The following ADGRV1 variants were observed in gnomAD, a reference collection of about 807,000 sequenced individuals.
The protein encoded by ADGRV1 is adhesion G protein-coupled receptor V1.
ADGRV1 carries 359 observed loss-of-function variants against 596.2 expected under a neutral mutation model. That is an observed-to-expected ratio of 0.60 (90% CI 0.55 to 0.66). The LOEUF (loss-of-function observed/expected upper bound fraction) is 0.66, where lower values mean the gene tolerates loss of function less well. ADGRV1 is among the 30% of genes least tolerant of loss of function. ADGRV1 has a pLI of 0.00. For missense variants in ADGRV1, 7,274 were observed against 7,575.6 expected, an observed-to-expected ratio of 0.96 and a Z score of 1.48; for synonymous variants, 2,681 against 2,679.2, an observed-to-expected ratio of 1.00 and a Z score of -0.02.
intron 83 of ADGRV1, among the ~76,000 whole-genome samples, chr5:90,954,387 G>C (rs567787268): frequency 3.6e-4 from 55 of 152,150 alleles, no homozygotes; most frequent in African/African-American, 1.3e-3. Context: ...GATATGAAAA[G>C]ACAGAACTGG....
chr5:90,609,015 A>G (rs1762430139), intron 1 of ADGRV1, among the ~76,000 whole-genome samples: 1 of 152,202 alleles, frequency 6.6e-6, no homozygotes, highest in Non-Finnish European at 1.5e-5. Context: ...GACAATAAAC[A>G]TATTCCCAAC....
rs1471607090 is a variant in ADGRV1 at position 90,755,151 on chromosome 5, TAAAA to T, written c.11547_11550del (p.Ile3849MetfsTer28). The T allele has an allele frequency of 1.2e-6, 2 of 1,607,640 alleles. No homozygotes were observed. The highest frequency in any genetic ancestry group is 8.5e-7 in the Non-Finnish European group (1 of 1,178,638). On this transcript the variant is annotated frameshift_variant, in exon 55 of 90. Coordinates refer to ENST00000405460, the MANE Select transcript of ADGRV1 (RefSeq NM_032119.4). LOFTEE classifies it high-confidence loss of function. ...ACAATAATAATAATGAAAGAAAACATAAAAGAAGCTCATGCCGAAGTTTCCATTT... is the reference window on the plus strand; with the variant it reads ...ACAATAATAATAATGAAAGAAAACATGAAGCTCATGCCGAAGTTTCCATTT...
At chr5:90,642,295 T>A (rs1474054396) in intron 11 of ADGRV1, among the ~76,000 whole-genome samples, 2 of 152,198 alleles carry the variant, frequency 1.3e-5, no homozygotes, top group African/African-American at 2.4e-5. Flanking sequence ...TAAATTTTTC[T>A]AAAACTGGAA....
intron 1 of ADGRV1, among the ~76,000 whole-genome samples, chr5:90,600,016 T>C (rs1360810579): frequency 2.0e-5 from 3 of 152,154 alleles, no homozygotes; most frequent in Non-Finnish European, 2.9e-5. Context: ...AATATCTTGT[T>C]TTAGTTTGGT....
chr5:90,663,057 T>A (rs1387166753), intron 21 of ADGRV1, among the ~76,000 whole-genome samples: 1 of 149,722 alleles, frequency 6.7e-6, no homozygotes, highest in Non-Finnish European at 1.5e-5. Flanking sequence ...TTGTGAATAA[T>A]GCCGCAATAA....
At chr5:90,890,715 C>T (rs1403127654) in intron 83 of ADGRV1, among the ~76,000 whole-genome samples, 2 of 152,116 alleles carry the variant, frequency 1.3e-5, no homozygotes, top group Non-Finnish European at 2.9e-5. Flanking sequence ...TTCTGGGCCA[C>T]AGCATAAGGA....
At chr5:90,914,488 C>A (rs941430112) in intron 83 of ADGRV1, among the ~76,000 whole-genome samples, 5 of 152,124 alleles carry the variant, frequency 3.3e-5, no homozygotes, top group African/African-American at 1.2e-4. Flanking sequence ...TAAGATCACA[C>A]AACTATTAAG....
intron 89 of ADGRV1, among the ~76,000 whole-genome samples, chr5:91,163,552 C>T (rs1020261215): frequency 3.2e-4 from 48 of 152,124 alleles, no homozygotes; most frequent in Non-Finnish European, 3.5e-4. Context: ...AGATTGAGAA[C>T]CCAAATGTGT....
intron 82 of ADGRV1, among the ~76,000 whole-genome samples, chr5:90,860,140 T>C (rs1429456904): frequency 1.3e-5 from 2 of 151,912 alleles, no homozygotes; most frequent in African/African-American, 4.8e-5. Context: ...AATACCCACA[T>C]GTGACTAGTG....
chr5:90,927,336 T>C (rs1774604640), intron 83 of ADGRV1, among the ~76,000 whole-genome samples: 1 of 151,872 alleles, frequency 6.6e-6, no homozygotes, highest in Non-Finnish European at 1.5e-5. Flanking sequence ...GGTGCATATA[T>C]ATTTAGGATA....
intron 87 of ADGRV1, among the ~76,000 whole-genome samples, chr5:91,115,921 T>C (rs564758177): frequency 6.6e-6 from 1 of 151,680 alleles, no homozygotes; most frequent in East Asian, 1.9e-4. Context: ...TACTCCAGCC[T>C]GGGTGACAGA....
intron 83 of ADGRV1, among the ~76,000 whole-genome samples, chr5:90,936,427 A>T (rs966819935): frequency 6.6e-6 from 1 of 152,112 alleles, no homozygotes; most frequent in Non-Finnish European, 1.5e-5. Context: ...TGAATCTATA[A>T]AAATCTTCCA....
intron 86 of ADGRV1, 144 bp downstream of exon 86, chr5:91,072,748 T>A (rs1788500762): frequency 1.4e-6 from 1 of 729,568 alleles, no homozygotes; most frequent in Admixed American, 2.6e-5. Context: ...GCTCTCCAGT[T>A]TCTCCTGCTT....
intron 81 of ADGRV1, among the ~76,000 whole-genome samples, chr5:90,854,987 A>C (rs1049647253): frequency 6.6e-6 from 1 of 152,192 alleles, no homozygotes; most frequent in Non-Finnish European, 1.5e-5. Context: ...ATAAATAGAA[A>C]TACTCTGAAA....
At chr5:90,714,271 G>A (rs1749786972) in intron 42 of ADGRV1, among the ~76,000 whole-genome samples, 1 of 150,910 alleles carries the variant, frequency 6.6e-6, no homozygotes, top group Admixed American at 6.6e-5. Flanking sequence ...GCTTGACACT[G>A]GTTTGTTTTT....
intron 85 of ADGRV1, among the ~76,000 whole-genome samples, chr5:91,064,104 A>C (rs1382130745): frequency 6.6e-6 from 1 of 152,206 alleles, no homozygotes; most frequent in African/African-American, 2.4e-5. Flanking sequence ...TTTCTATGCC[A>C]TATTTTTAAG....
intron 83 of ADGRV1, among the ~76,000 whole-genome samples, chr5:90,885,503 A>T (rs2438348): frequency 0.73 from 111,286 of 152,016 alleles, 41,225 homozygotes; most frequent in East Asian, 1. Flanking sequence ...CAAAACCTCC[A>T]GTTAAAGTGA....
At chr5:91,058,462 C>CG (rs1554209988) in intron 85 of ADGRV1, among the ~76,000 whole-genome samples, 4 of 144,410 alleles carry the variant, frequency 2.8e-5, no homozygotes, top group Non-Finnish European at 6.0e-5. Context: ...GGTAATTGAC[C>CG]TTTTTTTTTT....
At chr5:90,906,087 C>G (rs1000051458) in intron 83 of ADGRV1, among the ~76,000 whole-genome samples, 2 of 152,016 alleles carry the variant, frequency 1.3e-5, no homozygotes, top group Non-Finnish European at 2.9e-5. Context: ...CCCACTTGAC[C>G]ATGATGAATA....
Sources: allele counts gnomAD v4.1 joint callset (sites outside exome capture counted in the v4.1 genomes callset), GRCh38; gene constraint gnomAD v4.1.1; transcripts MANE v1.5; gene names NCBI Gene and HGNC (gene_info 2026-07-23, HGNC 2026-07-21).